Variants in UNC80 observed in about 807,000 individuals in gnomAD.
The protein encoded by UNC80 is protein unc-80 homolog.
Under a neutral mutation model 384.6 loss-of-function variants are expected in UNC80, and 164 were observed. The observed-to-expected ratio is 0.43, with a 90% CI of 0.38 to 0.49. The LOEUF is 0.49. Among genes scored for constraint, UNC80 ranks in the 20% least tolerant of loss-of-function variants. The pLI is 0.00. For missense variants in UNC80, 3,330 were observed against 4,143.0 expected (o/e 0.80, Z 5.39); for synonymous variants, 1,486 against 1,527.8 (o/e 0.97, Z 0.64).
intron 7 of UNC80, chr2:209,796,132 T>G (rs1293743880): frequency 6.6e-6 from 1 of 152,244 alleles, no homozygotes; most frequent in African/African-American, 2.4e-5. Context: ...GGAACCCACC[T>G]CTTGCATCAG....
Position 209,959,581 on chromosome 2 carries a change from A to G in UNC80, c.7679A>G (p.Glu2560Gly). Residue 2560 changes from glutamate (E) to glycine (G), a missense_variant, in exon 51 of 65, where the codon GAG becomes GGG. By Grantham distance (98) the Glu-to-Gly change is moderately conservative. Transcript: ENST00000673920. The stretch of plus-strand genomic sequence containing the variant: ...CGGGAAGAGTTCAGAAGACCCCGGG[A>G]GTCCTTACTGAATATTTGCACTGAG... ...IAREEFRRPR[E>G]SLLNICTEFY... The G allele has an allele frequency of 1.9e-6, 3 of 1,551,714 alleles. No individual in the cohort carries two copies. The highest frequency in any genetic ancestry group is 1.2e-5 in the South Asian group (1 of 84,062).
chr2:209,967,675 T>G lies in UNC80; in HGVS notation c.8006+38T>G, dbSNP rs76886306. On this transcript the variant is annotated intron_variant, in intron 52 of 64. Transcript: ENST00000673920. ...CCGAGTTAGCTGTTGCTATCACAAA[T>G]GTCAAAGTTAAGATTTGTCATTTTT... 12,010 of 1,539,724 alleles carry G rather than the reference T, an allele frequency of 7.8e-3. 761 individuals carry two copies. In the African/African-American group the frequency reaches 0.14, roughly 18 times the overall value.
chr2:209,807,321 A>G (rs1017536444), intron 7 of UNC80, among the ~76,000 whole-genome samples: 1 of 151,986 alleles, frequency 6.6e-6, no homozygotes, highest in Non-Finnish European at 1.5e-5. Flanking sequence ...TAGAGTTGAA[A>G]AGAACTTTTC....
intron 4 of UNC80, among the ~76,000 whole-genome samples, chr2:209,778,777 A>G (rs1288462680): frequency 2.0e-5 from 3 of 152,240 alleles, no homozygotes; most frequent in African/African-American, 7.2e-5. Flanking sequence ...ATAAGAATTG[A>G]CATGTTCATC....
In UNC80 at chr2:209,997,593, T is replaced by TATTG. The variant is rs1182952922; in HGVS notation, c.*1999_*2002dup. 3 of 152,170 alleles carry TATTG rather than the reference T, an allele frequency of 2.0e-5. No homozygotes were observed. Among genetic ancestry groups the TATTG allele is most frequent in the Non-Finnish European group, 4.4e-5 (3 of 68,024 alleles). The allele number at this position is 152,170 out of a possible 1,614,324, so 9.4% of individuals were successfully genotyped here. On this transcript the variant is annotated 3_prime_UTR_variant, in exon 65 of 65. Coordinates refer to ENST00000673920, the MANE Select transcript of UNC80 (RefSeq NM_001371986.1). ...AATACCTTTATATGTATTTTAAAAG[T>TATTG]ATTGGGCTGTTCTGAACATGATTAT...
intron 22 of UNC80, among the ~76,000 whole-genome samples, chr2:209,871,100 A>G (rs1452101520): frequency 6.6e-6 from 1 of 152,198 alleles, no homozygotes; most frequent in East Asian, 1.9e-4. Context: ...GCTATAATAG[A>G]TATCAAATGG....
chr2:209,965,370 A>G (rs1026936876), intron 51 of UNC80, among the ~76,000 whole-genome samples: 1 of 152,146 alleles, frequency 6.6e-6, no homozygotes, highest in Admixed American at 6.5e-5. Flanking sequence ...GGGGCTTACT[A>G]TATACTGATC....
intron 35 of UNC80, among the ~76,000 whole-genome samples, chr2:209,926,350 G>GT (rs1377401550): frequency 6.6e-6 from 1 of 152,026 alleles, no homozygotes; most frequent in Non-Finnish European, 1.5e-5. Context: ...AAGTGGGCTG[G>GT]TTTTTTTTAT....
In UNC80 at chr2:209,815,507, A is replaced by G; in HGVS notation, c.1335+116A>G. On this transcript the variant is annotated intron_variant, in intron 9 of 64. Coordinates refer to ENST00000673920, the MANE Select transcript of UNC80 (RefSeq NM_001371986.1). ...GTGAGGTGGGAAAGGGAACTTAGAAACCGAAGTCAGCTCCTAGATGTGACA... is the reference window on the plus strand; with the variant it reads ...GTGAGGTGGGAAAGGGAACTTAGAAGCCGAAGTCAGCTCCTAGATGTGACA... 7.0e-6 allele frequency: 8 copies of G among 1,140,830 alleles called. No individual in the cohort carries two copies. In the South Asian group the frequency reaches 1.3e-4, roughly 18 times the overall value. 70.7% of individuals were successfully genotyped at this position (1,140,830 alleles called of 1,614,324 possible).
chr2:209,775,847 G>T (rs1419024467), intron 2 of UNC80, 42 bp from the exon 3 acceptor site: 4 of 1,592,888 alleles, frequency 2.5e-6, no homozygotes, highest in Admixed American at 1.7e-5. Context: ...ACGTGGTTTT[G>T]GATTTTGGCT....
intron 2 of UNC80, among the ~76,000 whole-genome samples, chr2:209,774,148 G>A (rs928562731): frequency 5.9e-5 from 9 of 152,194 alleles, no homozygotes; most frequent in Admixed American, 5.9e-4. Flanking sequence ...ATGTGTTAGG[G>A]CAAAAAATTC....
chr2:209,858,640 G>A (rs1472613660), intron 22 of UNC80, among the ~76,000 whole-genome samples: 2 of 149,596 alleles, frequency 1.3e-5, no homozygotes, highest in African/African-American at 4.9e-5. Context: ...GTCGCAGTGA[G>A]CCCAGATCAC....
chr2:209,860,472 C>T (rs1398096619), intron 22 of UNC80, among the ~76,000 whole-genome samples: 3 of 152,104 alleles, frequency 2.0e-5, no homozygotes, highest in Non-Finnish European at 2.9e-5. Flanking sequence ...AGTTTGAAGT[C>T]AGGTAGCATG....
At chr2:209,817,216 G>A in intron 10 of UNC80, 91 bp downstream of exon 10, 1 of 1,275,294 alleles carries the variant, frequency 7.8e-7, no homozygotes, top group South Asian at 1.4e-5. Context: ...AATCTTTCTT[G>A]AACAATTCAG....
intron 21 of UNC80, among the ~76,000 whole-genome samples, chr2:209,847,847 T>C (rs1459568278): frequency 6.6e-6 from 1 of 151,994 alleles, no homozygotes; most frequent in Non-Finnish European, 1.5e-5. Flanking sequence ...TTACAAATTT[T>C]AGGCAGTTAT....
chr2:209,931,139 A>G, intron 38 of UNC80, 85 bp downstream of exon 38: 1 of 1,052,582 alleles, frequency 9.5e-7, no homozygotes. Flanking sequence ...AATTTCCATT[A>G]ATTACATTAC....
At chr2:209,821,117 G>A (rs1574594914) in intron 13 of UNC80, among the ~76,000 whole-genome samples, 1 of 149,924 alleles carries the variant, frequency 6.7e-6, no homozygotes, top group East Asian at 2.0e-4. Context: ...TCTGGAGGCT[G>A]GGAAGTCCAA....
intron 38 of UNC80, among the ~76,000 whole-genome samples, chr2:209,931,810 G>A (rs1026623487): frequency 3.9e-5 from 6 of 152,120 alleles, no homozygotes; most frequent in Admixed American, 3.9e-4. Context: ...CCTACTTGCT[G>A]GTTGGCAAAG....
intron 51 of UNC80, among the ~76,000 whole-genome samples, chr2:209,964,319 A>G (rs1490394957): frequency 6.6e-6 from 1 of 152,162 alleles, no homozygotes; most frequent in African/African-American, 2.4e-5. Flanking sequence ...AGTACACACC[A>G]CATACACCAC....
Sources: gnomAD v4.1 joint callset for allele counts (sites outside exome capture counted in the v4.1 genomes callset) on GRCh38, gnomAD v4.1.1 for gene constraint, MANE v1.5 for transcripts, NCBI Gene and HGNC (gene_info 2026-07-23, HGNC 2026-07-21) for gene names.